CLIC6: variants seen among roughly 807,000 people sequenced by gnomAD.
CLIC6 encodes CLIC family member 6.
CLIC6 carries 39 observed loss-of-function variants against 49.2 expected under a neutral mutation model. The observed-to-expected ratio is 0.79, with a 90% CI of 0.61 to 1.04. The LOEUF is 1.04. Among genes scored for constraint, CLIC6 ranks in the 50% least tolerant of loss-of-function variants. The probability of loss-of-function intolerance (pLI) is 0.00; values close to 1 mark genes in which losing one functional copy is unlikely to be tolerated. For synonymous variants in CLIC6, 446 were observed against 433.4 expected (o/e 1.03, Z -0.36); for missense variants, 988 against 993.1 (o/e 0.99, Z 0.07).
rs778182329 is a variant in CLIC6 at position 34,707,326 on chromosome 21, G to A, written c.1421G>A (p.Arg474His). ...ESIGNCPFSQRLFMILWLKGV... is the reference protein window; with the variant it reads ...ESIGNCPFSQHLFMILWLKGV... ...ATCGGAAATTGCCCGTTTTCTCAGCGTCTCTTTATGATTCTCTGGCTGAAA... is the reference window on the plus strand; with the variant it reads ...ATCGGAAATTGCCCGTTTTCTCAGCATCTCTTTATGATTCTCTGGCTGAAA... The change falls in exon 2 of 6, where the codon CGT (arginine) becomes CAT (histidine). Residue 474 changes from arginine (R) to histidine (H), a missense_variant. Arg to His is a conservative substitution (Grantham distance 29). This residue lies in a region of CLIC6 where 647 missense variants were observed against 596.9 expected (regional missense o/e 1.08). Transcript: ENST00000349499. The A allele has an allele frequency of 1.9e-4, 314 of 1,613,930 alleles. No individual in the cohort carries two copies. Among genetic ancestry groups the A allele is most frequent in the Non-Finnish European group, 2.5e-4 (299 of 1,180,006 alleles).
intron 1 of CLIC6, among the ~76,000 whole-genome samples, chr21:34,673,477 A>AG (rs35710315): frequency 0.26 from 39,132 of 151,788 alleles, 5,475 homozygotes; most frequent in African/African-American, 0.37. Context: ...TTTTTGGTAG[A>AG]ATGGGGTTTC....
chr21:34,706,060 G>T (rs531977456), intron 1 of CLIC6: 2 of 687,112 alleles, frequency 2.9e-6, no homozygotes, highest in Admixed American at 2.1e-5. Context: ...TTCTCGCATT[G>T]CTATAAAGAA....
chr21:34,707,986 T>C lies in CLIC6; in HGVS notation c.1527T>C (p.Pro509=). 6.2e-7 allele frequency: 1 copy of C among 1,614,016 alleles called. No homozygotes were observed. Among genetic ancestry groups the C allele is most frequent in the Non-Finnish European group, 8.5e-7 (1 of 1,180,004 alleles). Reference sequence around the variant, plus strand: ...AGAACCTGGCTCCCGGAACAAACCCTCCTTTCATGACTTTTGATGGTGAAG... The same window carrying C: ...AGAACCTGGCTCCCGGAACAAACCCCCCTTTCATGACTTTTGATGGTGAAG... ...DLQNLAPGTN[P]PFMTFDGEVK... The change falls in exon 3 of 6, where the codon CCT becomes CCC. Residue 509 remains proline (P), a synonymous_variant. Coordinates refer to ENST00000349499, the MANE Select transcript of CLIC6 (RefSeq NM_053277.3).
At chr21:34,707,181 T>C in intron 1 of CLIC6, 99 bp from the exon 2 acceptor site, 1 of 937,058 alleles carries the variant, frequency 1.1e-6, no homozygotes, top group Non-Finnish European at 1.7e-6. Context: ...ATCCTGACCG[T>C]TCTTATCAAC....
intron 5 of CLIC6, among the ~76,000 whole-genome samples, chr21:34,710,847 CA>C (rs1196012625): frequency 1.3e-5 from 2 of 151,892 alleles, no homozygotes; most frequent in Non-Finnish European, 2.9e-5. Context: ...ACAAAAACCC[CA>C]AAAAAACAAG....
rs758055425 is a variant in CLIC6 at position 34,669,400 on chromosome 21, C to T, written c.12C>T (p.Ala4=). The change falls in exon 1 of 6, where the codon GCC becomes GCT. Residue 4 remains alanine, a synonymous_variant. Coordinates refer to ENST00000349499, the MANE Select transcript of CLIC6 (RefSeq NM_053277.3). MAE[A]AEPEGVAPGP... is the part of the protein sequence containing the mutation. ...AGGGATCTGCGGCCATGGCCGAGGC[C>T]GCGGAGCCGGAGGGGGTTGCCCCGG... is the stretch of plus-strand genomic sequence containing the variant. The T allele has an allele frequency of 8.1e-5, 100 of 1,237,316 alleles. No homozygotes were observed. The East Asian group carries it at 2.0e-3, about 25-fold the overall frequency. 76.6% of individuals were successfully genotyped at this position (1,237,316 alleles called of 1,614,324 possible).
intron 1 of CLIC6, among the ~76,000 whole-genome samples, chr21:34,704,218 G>A (rs757674274): frequency 8.5e-5 from 13 of 152,110 alleles, no homozygotes; most frequent in Non-Finnish European, 1.8e-4. Flanking sequence ...ATATGACCAA[G>A]GCCATCCTCT....
chr21:34,713,208 T>C (rs943368497), intron 5 of CLIC6, among the ~76,000 whole-genome samples: 4 of 152,082 alleles, frequency 2.6e-5, no homozygotes, highest in Admixed American at 2.0e-4. Flanking sequence ...GGGAAATACA[T>C]ATATGATCAA....
At chr21:34,679,961 C>T (rs900458511) in intron 1 of CLIC6, among the ~76,000 whole-genome samples, 1 of 152,172 alleles carries the variant, frequency 6.6e-6, no homozygotes, top group African/African-American at 2.4e-5. Flanking sequence ...GTGGATCCAC[C>T]ATTCTGGGGG....
rs1209337327 is a variant in CLIC6, at chr21:34,669,778, G to A, written c.390G>A (p.Glu130=). Residue 130 remains glutamate, a synonymous_variant, in exon 1 of 6, where the codon GAG becomes GAA. Transcript: ENST00000349499. ...EPRGEAQREP[E]DSAAPERQEE... ...GCGGGGAGGCTCAGAGGGAGCCCGA[G>A]GACTCTGCGGCCCCCGAGAGGCAGG... 1.1e-5 allele frequency: 16 copies of A among 1,423,214 alleles called. No individual in the cohort carries two copies. The highest frequency in any genetic ancestry group is 1.5e-5 in the African/African-American group (1 of 65,790). 88.2% of individuals were successfully genotyped at this position (1,423,214 alleles called of 1,614,324 possible).
intron 5 of CLIC6, among the ~76,000 whole-genome samples, chr21:34,711,330 G>A (rs1276570836): frequency 6.6e-6 from 1 of 152,100 alleles, no homozygotes; most frequent in Non-Finnish European, 1.5e-5. Context: ...CCAGGAGTTT[G>A]AGACCAGCCT....
At chr21:34,710,703 C>T (rs2056050738) in intron 5 of CLIC6, among the ~76,000 whole-genome samples, 1 of 152,102 alleles carries the variant, frequency 6.6e-6, no homozygotes, top group African/African-American at 2.4e-5. Context: ...CTCCCAGCTA[C>T]CTGGGGGGCT....
intron 1 of CLIC6, chr21:34,706,157 T>G (rs2056013136): frequency 1.7e-6 from 1 of 592,474 alleles, no homozygotes; most frequent in Non-Finnish European, 3.0e-6. Flanking sequence ...TGCTGGCATC[T>G]GCTCAGCTTC....
intron 1 of CLIC6, among the ~76,000 whole-genome samples, chr21:34,677,323 T>C (rs1453406586): frequency 6.6e-6 from 1 of 152,262 alleles, no homozygotes; most frequent in Non-Finnish European, 1.5e-5. Context: ...GCAAATGGGC[T>C]AACAATTTGG....
chr21:34,715,366 C>T (rs1040708231), intron 5 of CLIC6, among the ~76,000 whole-genome samples: 1 of 152,134 alleles, frequency 6.6e-6, no homozygotes, highest in African/African-American at 2.4e-5. Flanking sequence ...TGGCCAGTAT[C>T]GTTGCAAACT....
chr21:34,711,781 T>C (rs1265592137), intron 5 of CLIC6, among the ~76,000 whole-genome samples: 2 of 152,134 alleles, frequency 1.3e-5, no homozygotes, highest in Non-Finnish European at 2.9e-5. Flanking sequence ...CTTCAGGAGG[T>C]TGCTGATCCC....
Position 34,716,301 on chromosome 21 carries a change from C to A in CLIC6, c.1900-20C>A. The A allele has an allele frequency of 2.5e-6, 4 of 1,606,166 alleles. No individual in the cohort carries two copies. Among genetic ancestry groups the A allele is most frequent in the Non-Finnish European group, 1.7e-6 (2 of 1,176,562 alleles). The stretch of plus-strand genomic sequence containing the variant: ...CTTAGCAAGTTTTCCCTTTACTGAT[C>A]ATTTTCTCTTCATTTTCAGATTGTG... On this transcript the variant is annotated intron_variant, in intron 5 of 5. Transcript: ENST00000349499.
chr21:34,714,308 G>A (rs944902119), intron 5 of CLIC6, among the ~76,000 whole-genome samples: 5 of 152,160 alleles, frequency 3.3e-5, no homozygotes, highest in African/African-American at 1.2e-4. Context: ...ATTGGAAGGA[G>A]GATAATACAG....
At chr21:34,684,551 T>A (rs1466980484) in intron 1 of CLIC6, among the ~76,000 whole-genome samples, 1 of 152,264 alleles carries the variant, frequency 6.6e-6, no homozygotes, top group African/African-American at 2.4e-5. Flanking sequence ...TTTTGTAGAA[T>A]GTAATTTTAT....
Sources: gnomAD v4.1 joint callset for allele counts (sites outside exome capture counted in the v4.1 genomes callset) on GRCh38, gnomAD v4.1.1 for gene constraint, gnomAD v4.1.1 regional missense constraint, MANE v1.5 for transcripts, NCBI Gene and HGNC (gene_info 2026-07-23, HGNC 2026-07-21) for gene names.